The following NEK7 variants were observed in gnomAD, a reference collection of about 807,000 sequenced individuals.
The protein encoded by NEK7 is serine/threonine-protein kinase Nek7.
In NEK7, 18 loss-of-function variants were observed where a neutral mutation model predicts 44.6. The ratio of observed to expected loss-of-function variants is 0.40; its 90% CI spans 0.28 to 0.60. The LOEUF (loss-of-function observed/expected upper bound fraction) is 0.60, where lower values mean the gene tolerates loss of function less well. Among genes scored for constraint, NEK7 ranks in the 20% least tolerant of loss-of-function variants. NEK7 has a pLI of 0.38. For synonymous variants in NEK7, 130 were observed against 121.1 expected (o/e 1.07, Z -0.48); for missense variants, 256 against 366.5 (o/e 0.70, Z 2.46).
At chr1:198,197,458 A>G (rs1665275871) in intron 1 of NEK7, among the ~76,000 whole-genome samples, 1 of 152,204 alleles carries the variant, frequency 6.6e-6, no homozygotes, top group African/African-American at 2.4e-5. Flanking sequence ...ACAAACAAAT[A>G]GTACATTACA....
chr1:198,163,367 G>A (rs1007926805), intron 1 of NEK7, among the ~76,000 whole-genome samples: 1 of 151,736 alleles, frequency 6.6e-6, no homozygotes, highest in Admixed American at 6.6e-5. Context: ...TTGGTGGCAC[G>A]CACCTGTAAT....
chr1:198,188,731 T>C (rs1281699478), intron 1 of NEK7, among the ~76,000 whole-genome samples: 1 of 152,160 alleles, frequency 6.6e-6, no homozygotes, highest in Non-Finnish European at 1.5e-5. Context: ...ATTTTTCAAA[T>C]AATGTGCATG....
Position 198,250,727 on chromosome 1 carries a change from T to C in NEK7, c.58-2313T>C, listed in dbSNP as rs1486443780. 6.2e-5 allele frequency among the ~76,000 whole-genome samples: 9 copies of C among 145,336 alleles called. No individual in the cohort carries two copies. In the East Asian group the frequency reaches 1.8e-3, roughly 29 times the overall value. On this transcript the variant is annotated intron_variant, in intron 2 of 9. Transcript: ENST00000367385. ...AATGCTTGTGATTTTTGTACATTGA[T>C]TTTGTATCCTGAGACTTTGCTGAAG...
At chr1:198,198,421 C>A (rs1001136944) in intron 1 of NEK7, among the ~76,000 whole-genome samples, 27 of 152,102 alleles carry the variant, frequency 1.8e-4, no homozygotes, top group Admixed American at 1.8e-3. Flanking sequence ...GAGGTAGAAG[C>A]GCCTGTATTG....
Position 198,319,578 on chromosome 1 carries a change from C to A in NEK7, c.*56C>A. ...GTAATTGAAAGTATTTTGTGCAAGT[C>A]ATACCTCCCCATTTATGTCTGGTGT... On this transcript the variant is annotated 3_prime_UTR_variant, in exon 10 of 10. Transcript: ENST00000367385. 6.6e-7 allele frequency: 1 copy of A among 1,520,180 alleles called. No homozygotes were observed. Among genetic ancestry groups the A allele is most frequent in the South Asian group, 1.3e-5 (1 of 77,858 alleles). 94.2% of individuals were successfully genotyped at this position (1,520,180 alleles called of 1,614,324 possible).
chr1:198,249,137 G>A (rs1268049535), intron 2 of NEK7, among the ~76,000 whole-genome samples: 4 of 148,134 alleles, frequency 2.7e-5, no homozygotes, highest in Admixed American at 6.9e-5. Flanking sequence ...GAGAATATGC[G>A]GTGTTTGGTT....
At chr1:198,260,109 T>G (rs187605611) in intron 3 of NEK7, among the ~76,000 whole-genome samples, 2 of 152,300 alleles carry the variant, frequency 1.3e-5, no homozygotes, top group African/African-American at 4.8e-5. Context: ...AGGGTGGGCA[T>G]TAACAGTTTA....
intron 1 of NEK7, among the ~76,000 whole-genome samples, chr1:198,164,225 G>A (rs1469837432): frequency 1.3e-5 from 2 of 152,224 alleles, no homozygotes; most frequent in Admixed American, 6.5e-5. Flanking sequence ...TTTAATGGTT[G>A]TGAGGGAGTT....
intron 7 of NEK7, among the ~76,000 whole-genome samples, chr1:198,290,131 A>T (rs1163160455): frequency 6.6e-6 from 1 of 152,206 alleles, no homozygotes; most frequent in Non-Finnish European, 1.5e-5. Context: ...CTATTGCAAA[A>T]TGTACTTTCA....
At chr1:198,208,440 G>GT (rs55638493) in intron 1 of NEK7, 30,122 of 151,990 alleles carry the variant, frequency 0.2, 3,553 homozygotes, top group African/African-American at 0.31. Flanking sequence ...AAATGCAGTG[G>GT]TACGACTGGT....
At chr1:198,256,509 A>G in intron 3 of NEK7, 1 of 1,549,206 alleles carries the variant, frequency 6.5e-7, no homozygotes, top group Non-Finnish European at 8.7e-7. Context: ...TTAACTAATA[A>G]AACAATTTTG....
intron 7 of NEK7, among the ~76,000 whole-genome samples, chr1:198,280,983 T>G (rs1654178052): frequency 6.6e-6 from 1 of 151,682 alleles, no homozygotes; most frequent in South Asian, 2.1e-4. Flanking sequence ...AATAAGAAAA[T>G]TTCCTTTATC....
chr1:198,318,781 A>G (rs1655449037), intron 9 of NEK7, among the ~76,000 whole-genome samples: 1 of 152,142 alleles, frequency 6.6e-6, no homozygotes, highest in African/African-American at 2.4e-5. Flanking sequence ...TATGATATAA[A>G]TAGAATAAAA....
chr1:198,318,191 A>G (rs1024459320), intron 9 of NEK7, among the ~76,000 whole-genome samples: 4 of 152,110 alleles, frequency 2.6e-5, no homozygotes, highest in Admixed American at 1.3e-4. Context: ...ATCCACTCCA[A>G]CTTCCCTATT....
In NEK7 at chr1:198,262,594, C is replaced by T. The variant is rs761317968; in HGVS notation, c.218C>T (p.Ala73Val). ...TTTTAGATATTTGATTTAATGGATG[C>T]CAAAGCACGTGCTGATTGCATCAAA... ...KKVQIFDLMDAKARADCIKEI... is the reference protein window; with the variant it reads ...KKVQIFDLMDVKARADCIKEI... Residue 73 changes from alanine (A) to valine (V), a missense_variant, in exon 4 of 10, where the codon GCC becomes GTC. Coordinates refer to ENST00000367385, the MANE Select transcript of NEK7 (RefSeq NM_133494.3). 1 of 1,594,888 alleles carries T rather than the reference C, an allele frequency of 6.3e-7. No individual in the cohort carries two copies. The highest frequency in any genetic ancestry group is 8.6e-7 in the Non-Finnish European group (1 of 1,167,698).
At chr1:198,287,746 A>G (rs1012756101) in intron 7 of NEK7, among the ~76,000 whole-genome samples, 3 of 152,092 alleles carry the variant, frequency 2.0e-5, no homozygotes, top group African/African-American at 7.2e-5. Context: ...AAAGCTAACT[A>G]AAACTCTCTG....
chr1:198,278,350 T>C (rs533407861), intron 6 of NEK7, among the ~76,000 whole-genome samples: 1 of 151,510 alleles, frequency 6.6e-6, no homozygotes, highest in Non-Finnish European at 1.5e-5. Context: ...GTTTTTTGTT[T>C]CTTCAAATAA....
rs760869047 is a variant in NEK7, at chr1:198,264,112, T to G, written c.262-13T>G. 2.5e-6 allele frequency: 4 copies of G among 1,576,312 alleles called. No individual in the cohort carries two copies. The highest frequency in any genetic ancestry group is 3.4e-6 in the Non-Finnish European group (4 of 1,165,078). Reference sequence around the variant, plus strand: ...AGTAAGAAAACTTTCTGATGCCTGTTTTATTTTCTCAGCAACTCAACCATC... The same window carrying G: ...AGTAAGAAAACTTTCTGATGCCTGTGTTATTTTCTCAGCAACTCAACCATC... On this transcript the variant is annotated splice_polypyrimidine_tract_variant and intron_variant, in intron 4 of 9. Transcript: ENST00000367385.
intron 1 of NEK7, among the ~76,000 whole-genome samples, chr1:198,225,825 A>C (rs1357847295): frequency 6.6e-6 from 1 of 151,742 alleles, no homozygotes; most frequent in Non-Finnish European, 1.5e-5. Context: ...TTCAGGCAGC[A>C]CCTTCTTTGG....
Sources: gnomAD v4.1 joint callset for allele counts (sites outside exome capture counted in the v4.1 genomes callset) on GRCh38, gnomAD v4.1.1 for gene constraint, MANE v1.5 for transcripts, NCBI Gene and HGNC (gene_info 2026-07-23, HGNC 2026-07-21) for gene names.